CARMIL2: variants seen among roughly 807,000 people sequenced by gnomAD.
CARMIL2 encodes the protein capping protein regulator and myosin 1 linker 2.
In CARMIL2, 96 loss-of-function variants were observed where a neutral mutation model predicts 173.3. That is an observed-to-expected ratio of 0.55 (90% CI 0.47 to 0.66). The LOEUF is 0.66. Ranked by LOEUF, CARMIL2 falls within the 30% of genes least tolerant of loss-of-function variation. The probability of loss-of-function intolerance (pLI) is 0.00; values close to 1 mark genes in which losing one functional copy is unlikely to be tolerated. For synonymous variants in CARMIL2, 830 were observed against 817.1 expected (o/e 1.02, Z -0.27); for missense variants, 1,771 against 1,906.7 (o/e 0.93, Z 1.33).
rs907726737 is a variant in CARMIL2, at chr16:67,652,110, C to T, written c.2677-89C>T. On this transcript the variant is annotated intron_variant, in intron 26 of 37. Coordinates refer to ENST00000334583, the MANE Select transcript of CARMIL2 (RefSeq NM_001013838.3). The surrounding 1 kb of genome is among the most constrained non-coding windows in gnomAD (Gnocchi z 4.7). ...TGTAATGTCTTCTGGGGTCATGTAG[C>T]CCAGGGCTATTTCAGGGTCCCCTTA... is the stretch of plus-strand genomic sequence containing the variant. 1.1e-5 allele frequency: 18 copies of T among 1,596,488 alleles called. No homozygotes were observed. In the South Asian group the frequency reaches 2.0e-4, roughly 18 times the overall value.
Position 67,657,079 on chromosome 16 carries a change from C to A in CARMIL2, c.4118-160C>A. Reference sequence around the variant, plus strand: ...AGCACTGGCTCCACTTCCCGAAGAGCAGCCTCTGCCAGGGGTGAGGACGCA... The same window carrying A: ...AGCACTGGCTCCACTTCCCGAAGAGAAGCCTCTGCCAGGGGTGAGGACGCA... On this transcript the variant is annotated intron_variant, in intron 36 of 37. Coordinates refer to ENST00000334583, the MANE Select transcript of CARMIL2 (RefSeq NM_001013838.3). This position sits in a 1 kb window ranked among gnomAD's most constrained non-coding sequence, Gnocchi z 4.5. 1 of 779,580 alleles carries A rather than the reference C, an allele frequency of 1.3e-6. No homozygotes were observed. The highest frequency in any genetic ancestry group is 2.1e-6 in the Non-Finnish European group (1 of 477,042). 48.3% of individuals were successfully genotyped at this position (779,580 alleles called of 1,614,324 possible). A position where few individuals can be genotyped will look rare whatever the true frequency, so the allele number is the denominator to read the frequency against.
Position 67,651,586 on chromosome 16 carries a change from G to T in CARMIL2, c.2427+72G>T. The T allele has an allele frequency of 6.4e-7, 1 of 1,564,268 alleles. No individual in the cohort carries two copies. Among genetic ancestry groups the T allele is most frequent in the South Asian group, 1.2e-5 (1 of 85,528 alleles). ...ACTCCCATCCTTTAGTTTTAACTGT[G>T]ATATCCCCTGACTCAATATTCTGTT... On this transcript the variant is annotated intron_variant, in intron 24 of 37. Coordinates refer to ENST00000334583, the MANE Select transcript of CARMIL2 (RefSeq NM_001013838.3). This position sits in a 1 kb window ranked among gnomAD's most constrained non-coding sequence, Gnocchi z 4.2.
rs2052591194 is a variant in CARMIL2 at position 67,646,248 on chromosome 16, G to A, written c.312G>A (p.Leu104=). The A allele has an allele frequency of 1.2e-6, 2 of 1,613,642 alleles. No homozygotes were observed. The highest frequency in any genetic ancestry group is 1.3e-5 in the African/African-American group (1 of 74,902). The change falls in exon 5 of 38, where the codon CTG becomes CTA. Residue 104 remains leucine (L), a synonymous_variant. Coordinates refer to ENST00000334583, the MANE Select transcript of CARMIL2 (RefSeq NM_001013838.3). This position sits in a 1 kb window ranked among gnomAD's most constrained non-coding sequence, Gnocchi z 4.6. The stretch of plus-strand genomic sequence containing the variant: ...TGGAGTTTCCTGGTGTGGCCGCCCT[G>A]GAACAGCTGGCCCAGCACGTGGCTG... ...LVLEFPGVAA[L]EQLAQHVAAA...
In CARMIL2 at chr16:67,651,059, T is replaced by G. The variant is rs2052712663; in HGVS notation, c.2185-128T>G. ...CCTTCCCTCCTTGAACAGATAGGGT[T>G]CCAAAGTGGCTGGTCTAAGGGTGTC... is the stretch of plus-strand genomic sequence containing the variant. On this transcript the variant is annotated intron_variant, in intron 22 of 37. Coordinates refer to ENST00000334583, the MANE Select transcript of CARMIL2 (RefSeq NM_001013838.3). The surrounding 1 kb of genome is among the most constrained non-coding windows in gnomAD (Gnocchi z 4.2). The G allele has an allele frequency of 9.4e-7, 1 of 1,062,830 alleles. No individual in the cohort carries two copies. The highest frequency in any genetic ancestry group is 1.3e-6 in the Non-Finnish European group (1 of 743,984). 65.8% of individuals were successfully genotyped at this position (1,062,830 alleles called of 1,614,324 possible). A position where few individuals can be genotyped will look rare whatever the true frequency, so the allele number is the denominator to read the frequency against.
In CARMIL2 at chr16:67,647,563, C is replaced by T. The variant is rs747119629; in HGVS notation, c.832C>T (p.Arg278Trp). Residue 278 changes from arginine (R) to tryptophan (W), a missense_variant, in exon 11 of 38, where the codon CGG (arginine) becomes TGG (tryptophan). Arg to Trp is a moderately radical substitution (Grantham distance 101). Around this residue, in one of 3 missense-constraint regions of CARMIL2, gnomAD observed 944 missense variants for 975.6 expected, o/e 0.97. Coordinates refer to ENST00000334583, the MANE Select transcript of CARMIL2 (RefSeq NM_001013838.3). ...ALAGHSSSGL[R>W]ELSLAGNLLD... is the part of the protein sequence containing the mutation. ...GGCGGGACACTCAAGCTCTGGGCTG[C>T]GGGAGCTCAGCCTCGCGGGGAACCT... is the stretch of plus-strand genomic sequence containing the variant. The T allele has an allele frequency of 3.7e-6, 6 of 1,610,910 alleles. No individual in the cohort carries two copies. The highest frequency in any genetic ancestry group is 2.2e-5 in the East Asian group (1 of 44,834).
chr16:67,653,304 T>C lies in CARMIL2; in HGVS notation c.3120+50T>C. 1 of 942,390 alleles carries C rather than the reference T, an allele frequency of 1.1e-6. No individual in the cohort carries two copies. The highest frequency in any genetic ancestry group is 1.3e-6 in the Non-Finnish European group (1 of 755,304). The allele number at this position is 942,390 out of a possible 1,614,324, so 58.4% of individuals were successfully genotyped here. A position where few individuals can be genotyped will look rare whatever the true frequency, so the allele number is the denominator to read the frequency against. Reference sequence around the variant, plus strand: ...AGCGCGTGGAATTGGGGATCACGGGTGGCCCGGCCGCTCCTCATGGGTGGT... The same window carrying C: ...AGCGCGTGGAATTGGGGATCACGGGCGGCCCGGCCGCTCCTCATGGGTGGT... On this transcript the variant is annotated intron_variant, in intron 29 of 37. Coordinates refer to ENST00000334583, the MANE Select transcript of CARMIL2 (RefSeq NM_001013838.3). This position sits in a 1 kb window ranked among gnomAD's most constrained non-coding sequence, Gnocchi z 7.4.
rs754060379 is a variant in CARMIL2 at position 67,649,655 on chromosome 16, G to C, written c.1919+36G>C. The C allele has an allele frequency of 6.4e-7, 1 of 1,564,816 alleles. No homozygotes were observed. The highest frequency in any genetic ancestry group is 8.6e-7 in the Non-Finnish European group (1 of 1,159,964). On this transcript the variant is annotated intron_variant, in intron 20 of 37. Transcript: ENST00000334583. This position sits in a 1 kb window ranked among gnomAD's most constrained non-coding sequence, Gnocchi z 6.7. ...TCAGAGGGGTGGGACCAGCGGGCAGGGGGCGCGGTGGAGAGGAGGGCACCG... is the reference window on the plus strand; with the variant it reads ...TCAGAGGGGTGGGACCAGCGGGCAGCGGGCGCGGTGGAGAGGAGGGCACCG...
Position 67,651,326 on chromosome 16 carries a change from C to T in CARMIL2, c.2313+11C>T. ...AACTTCTCTCTCAGCGTGAGCACTC[C>T]CCCTCCTGCTACAAGGACCCTTCCC... On this transcript the variant is annotated intron_variant, in intron 23 of 37. Transcript: ENST00000334583. This position sits in a 1 kb window ranked among gnomAD's most constrained non-coding sequence, Gnocchi z 4.2. The T allele has an allele frequency of 1.2e-6, 2 of 1,612,820 alleles. No individual in the cohort carries two copies. Among genetic ancestry groups the T allele is most frequent in the Non-Finnish European group, 1.7e-6 (2 of 1,179,170 alleles).
rs1410007391 is a variant in CARMIL2, at chr16:67,651,121, G to A, written c.2185-66G>A. ...CTCCCTCTGTTAAAGAGCCTGGGAG[G>A]AAGGCAGGCAGGATCTGGGAGACTG... On this transcript the variant is annotated intron_variant, in intron 22 of 37. Coordinates refer to ENST00000334583, the MANE Select transcript of CARMIL2 (RefSeq NM_001013838.3). This position sits in a 1 kb window ranked among gnomAD's most constrained non-coding sequence, Gnocchi z 4.2. 2 of 1,558,678 alleles carry A rather than the reference G, an allele frequency of 1.3e-6. No homozygotes were observed. The highest frequency in any genetic ancestry group is 1.7e-6 in the Non-Finnish European group (2 of 1,147,476).
In CARMIL2 at chr16:67,657,141, A is replaced by C; in HGVS notation, c.4118-98A>C. The C allele has an allele frequency of 9.4e-7, 1 of 1,067,676 alleles. No individual in the cohort carries two copies. The highest frequency in any genetic ancestry group is 1.4e-6 in the Non-Finnish European group (1 of 711,396). 66.1% of individuals were successfully genotyped at this position (1,067,676 alleles called of 1,614,324 possible). On this transcript the variant is annotated intron_variant, in intron 36 of 37. Transcript: ENST00000334583. This position sits in a 1 kb window ranked among gnomAD's most constrained non-coding sequence, Gnocchi z 4.5. ...TGCTCTGAAGGCAGCAGTGTGTGTG[A>C]GTGCATGCTTATGTGCACTGGAGGT...
At position 67,652,922 on chromosome 16, in the gene CARMIL2, C is replaced by T. The variant is rs1363948409; in HGVS notation, c.2885-97C>T. 4.5e-5 allele frequency: 17 copies of T among 380,666 alleles called. No individual in the cohort carries two copies. The highest frequency in any genetic ancestry group is 6.7e-5 in the Non-Finnish European group (17 of 252,372). The allele number at this position is 380,666 out of a possible 1,614,324, so 23.6% of individuals were successfully genotyped here. A position where few individuals can be genotyped will look rare whatever the true frequency, so the allele number is the denominator to read the frequency against. On this transcript the variant is annotated intron_variant, in intron 28 of 37. Transcript: ENST00000334583. This position sits in a 1 kb window ranked among gnomAD's most constrained non-coding sequence, Gnocchi z 4.7. The stretch of plus-strand genomic sequence containing the variant: ...GGGGACGGGCGGCGTAGCCGGGCCC[C>T]TCCCCGCGCCCTGGGCGGGTCCCCC...
Position 67,645,203 on chromosome 16 carries a change from G to A in CARMIL2, c.-44G>A, listed in dbSNP as rs1242490705. 6.6e-7 allele frequency: 1 copy of A among 1,524,826 alleles called. No individual in the cohort carries two copies. Among genetic ancestry groups the A allele is most frequent in the South Asian group, 1.2e-5 (1 of 83,820 alleles). The allele number at this position is 1,524,826 out of a possible 1,614,324, so 94.5% of individuals were successfully genotyped here. A position where few individuals can be genotyped will look rare whatever the true frequency, so the allele number is the denominator to read the frequency against. Reference sequence around the variant, plus strand: ...CCTGTGTGCGCGCTCGTCCTCTGCTGTTTCCCGCCGGAGCTCGTTGGGCCT... The same window carrying A: ...CCTGTGTGCGCGCTCGTCCTCTGCTATTTCCCGCCGGAGCTCGTTGGGCCT... On this transcript the variant is annotated 5_prime_UTR_variant, in exon 1 of 38. Coordinates refer to ENST00000334583, the MANE Select transcript of CARMIL2 (RefSeq NM_001013838.3).
chr16:67,653,200 C>T lies in CARMIL2; in HGVS notation c.3066C>T (p.Ala1022=). The T allele has an allele frequency of 1.8e-6, 2 of 1,128,510 alleles. No homozygotes were observed. The highest frequency in any genetic ancestry group is 2.2e-6 in the Non-Finnish European group (2 of 921,540). 69.9% of individuals were successfully genotyped at this position (1,128,510 alleles called of 1,614,324 possible). A position where few individuals can be genotyped will look rare whatever the true frequency, so the allele number is the denominator to read the frequency against. The change falls in exon 29 of 38, where the codon GCC becomes GCT. Residue 1022 remains alanine, a synonymous_variant. Transcript: ENST00000334583. This position sits in a 1 kb window ranked among gnomAD's most constrained non-coding sequence, Gnocchi z 7.4. ...AGQPLRHPTR[A]RPRPRRQHHH... is the part of the protein sequence containing the mutation. The stretch of plus-strand genomic sequence containing the variant: ...AGCCCCTGCGCCATCCGACCCGGGC[C>T]CGGCCGCGGCCGCGCCGCCAGCACC...
intron 22 of CARMIL2, 135 bp downstream of exon 22, chr16:67,650,285 C>T (rs779609124): frequency 1.0e-5 from 7 of 690,378 alleles, no homozygotes; most frequent in Non-Finnish European, 1.7e-5. Context: ...CAAAGTCCCT[C>T]TCCTTGATCT....
chr16:67,654,991 A>G (rs2052814129), intron 32 of CARMIL2, 91 bp downstream of exon 32: 1 of 1,484,172 alleles, frequency 6.7e-7, no homozygotes. Flanking sequence ...CTCATGACAG[A>G]TAGGTCTAAT....
rs756946323 is a variant in CARMIL2 at position 67,646,159 on chromosome 16, C to A, written c.250-27C>A. 6.2e-7 allele frequency: 1 copy of A among 1,613,688 alleles called. No homozygotes were observed. The highest frequency in any genetic ancestry group is 8.5e-7 in the Non-Finnish European group (1 of 1,179,784). On this transcript the variant is annotated intron_variant, in intron 4 of 37. Transcript: ENST00000334583. The surrounding 1 kb of genome is among the most constrained non-coding windows in gnomAD (Gnocchi z 4.6). ...CATCACCTGCGCCCATGTGTGGAGC[C>A]GAGGCCTAGTAGTGCCCCTTCCCTA...
At position 67,649,502 on chromosome 16, in the gene CARMIL2, T is replaced by C; in HGVS notation, c.1802T>C (p.Leu601Pro). 1.2e-6 allele frequency: 2 copies of C among 1,609,638 alleles called. No individual in the cohort carries two copies. Among genetic ancestry groups the C allele is most frequent in the Non-Finnish European group, 1.7e-6 (2 of 1,179,868 alleles). ...CGGCTGAAGCTGGGTGCCAGCGTCC[T>C]ACTCCGGGCCCTAGCCACCAATCCT... is the stretch of plus-strand genomic sequence containing the variant. ...ESRLKLGASV[L>P]LRALATNPNL... Residue 601 changes from leucine to proline, a missense_variant, in exon 20 of 38, where the codon CTA becomes CCA. Physicochemically the swap from Leu to Pro is moderately conservative, Grantham distance 98. Around this residue, in one of 3 missense-constraint regions of CARMIL2, gnomAD observed 944 missense variants for 975.6 expected, o/e 0.97. Coordinates refer to ENST00000334583, the MANE Select transcript of CARMIL2 (RefSeq NM_001013838.3). This position sits in a 1 kb window ranked among gnomAD's most constrained non-coding sequence, Gnocchi z 6.7.
At chr16:67,645,691 C>A (rs761226197) in intron 2 of CARMIL2, 33 bp from the exon 3 acceptor site, 2 of 1,613,420 alleles carry the variant, frequency 1.2e-6, no homozygotes, top group South Asian at 1.1e-5. Context: ...GAGCCTCTTG[C>A]TCTGCCCAGG....
rs2052599045 is a variant in CARMIL2 at position 67,646,624 on chromosome 16, G to A, written c.467-90G>A. The A allele has an allele frequency of 6.4e-7, 1 of 1,572,756 alleles. No individual in the cohort carries two copies. Among genetic ancestry groups the A allele is most frequent in the Non-Finnish European group, 8.7e-7 (1 of 1,143,358 alleles). On this transcript the variant is annotated intron_variant, in intron 6 of 37. Transcript: ENST00000334583. This position sits in a 1 kb window ranked among gnomAD's most constrained non-coding sequence, Gnocchi z 4.6. Reference sequence around the variant, plus strand: ...ACTGAACAGAGCCATTCAGGTCCCAGCCACCACCTAGTCTGTGGGTCTGGT... The same window carrying A: ...ACTGAACAGAGCCATTCAGGTCCCAACCACCACCTAGTCTGTGGGTCTGGT...
Sources: gnomAD v4.1 joint callset for allele counts on GRCh38, gnomAD v4.1.1 for gene constraint, gnomAD v4.1.1 regional missense constraint, Gnocchi (gnomAD v3.1) non-coding constraint, MANE v1.5 for transcripts, NCBI Gene and HGNC (gene_info 2026-07-23, HGNC 2026-07-21) for gene names.